AGBL4: variants seen among roughly 807,000 people sequenced by gnomAD.
The protein encoded by AGBL4 is cytosolic carboxypeptidase 6.
Under a neutral mutation model 66.4 loss-of-function variants are expected in AGBL4, and 58 were observed. That is an observed-to-expected ratio of 0.87 (90% confidence interval 0.71 to 1.09). The LOEUF (loss-of-function observed/expected upper bound fraction) is 1.09, where lower values mean the gene tolerates loss of function less well. Ranked by LOEUF, AGBL4 falls within the 50% of genes least tolerant of loss-of-function variation. AGBL4 has a pLI of 0.00. For missense variants in AGBL4, 579 were observed against 631.0 expected (o/e 0.92, Z 0.88); for synonymous variants, 234 against 222.9 (o/e 1.05, Z -0.44).
intron 3 of AGBL4, among the ~76,000 whole-genome samples, chr1:49,642,507 A>G (rs189685524): frequency 8.3e-4 from 127 of 152,134 alleles, no homozygotes; most frequent in African/African-American, 3.0e-3. Context: ...AAAGAACTAC[A>G]GAAAAAGAAC....
chr1:48,537,299 G>C (rs1643988988), intron 12 of AGBL4, among the ~76,000 whole-genome samples: 1 of 152,106 alleles, frequency 6.6e-6, no homozygotes, highest in Non-Finnish European at 1.5e-5. Flanking sequence ...TTAATTTAAA[G>C]GTGGGTGCAT....
At chr1:49,695,820 A>T (rs536937323) in intron 3 of AGBL4, among the ~76,000 whole-genome samples, 103 of 152,190 alleles carry the variant, frequency 6.8e-4, no homozygotes, top group African/African-American at 2.4e-3. Flanking sequence ...TCTTGTGTCC[A>T]TGGTGTTGTA....
rs1186915086 is a variant in AGBL4 at position 49,530,278 on chromosome 1, A to AAAAAAAC, written c.282+167034_282+167035insGTTTTTT. On this transcript the variant is annotated intron_variant, in intron 3 of 13. Transcript: ENST00000371839. ...AATTTGTAAAAAAAAAAAAACAAAA[A>AAAAAAAC]AAAACTCTATGAGTTTTTTTTTATT... Among the ~76,000 whole-genome samples the AAAAAAAC allele has an allele frequency of 5.5e-5, 8 of 145,182 alleles. 1 individual carries two copies. Among genetic ancestry groups the AAAAAAAC allele is most frequent in the East Asian group, 3.9e-4 (2 of 5,154 alleles).
intron 4 of AGBL4, among the ~76,000 whole-genome samples, chr1:49,133,737 G>GA (rs1217655963): frequency 6.6e-6 from 1 of 151,390 alleles, no homozygotes; most frequent in African/African-American, 2.4e-5. Flanking sequence ...TTTATCCTCA[G>GA]GAAACAATTA....
intron 6 of AGBL4, among the ~76,000 whole-genome samples, chr1:48,856,791 T>A (rs1157860686): frequency 1.3e-5 from 2 of 152,206 alleles, no homozygotes; most frequent in Non-Finnish European, 2.9e-5. Context: ...GAAGTTTCTA[T>A]CATATTTTAG....
intron 1 of AGBL4, among the ~76,000 whole-genome samples, chr1:49,949,002 A>G (rs1655820217): frequency 1.3e-5 from 2 of 151,904 alleles, no homozygotes; most frequent in South Asian, 2.1e-4. Flanking sequence ...AAATAGGCAC[A>G]TAGACCAATG....
chr1:48,738,608 C>T (rs1283063397), intron 6 of AGBL4, among the ~76,000 whole-genome samples: 1 of 152,204 alleles, frequency 6.6e-6, no homozygotes, highest in Admixed American at 6.5e-5. Flanking sequence ...AGGAGAAAAA[C>T]AAGGAACTTT....
intron 5 of AGBL4, among the ~76,000 whole-genome samples, chr1:48,899,077 C>T (rs1345501673): frequency 2.0e-5 from 3 of 152,316 alleles, no homozygotes; most frequent in African/African-American, 4.8e-5. Context: ...CTGAGGCGCT[C>T]GGCTCAGCCT....
chr1:49,702,350 G>A (rs1008979560), intron 2 of AGBL4, among the ~76,000 whole-genome samples: 6 of 151,996 alleles, frequency 3.9e-5, no homozygotes, highest in African/African-American at 1.2e-4. Context: ...AATTAGCTGG[G>A]CATAGTGGTG....
chr1:48,885,133 T>C (rs971206774), intron 5 of AGBL4, among the ~76,000 whole-genome samples: 10 of 152,298 alleles, frequency 6.6e-5, no homozygotes, highest in Non-Finnish European at 1.2e-4. Flanking sequence ...TCTGGTCTGT[T>C]TCCTGTTTTG....
At chr1:49,536,948 AGTG>A (rs1651637471) in intron 3 of AGBL4, among the ~76,000 whole-genome samples, 1 of 152,048 alleles carries the variant, frequency 6.6e-6, no homozygotes, top group Admixed American at 6.6e-5. Context: ...TGGAAGTTGC[AGTG>A]AGCCAAGATC....
chr1:49,475,916 C>T (rs868344038), intron 3 of AGBL4, among the ~76,000 whole-genome samples: 91 of 151,954 alleles, frequency 6.0e-4, no homozygotes, highest in African/African-American at 2.0e-3. Flanking sequence ...TTTTGGGAGT[C>T]TCAGTTTCAT....
At chr1:49,178,313 T>C (rs1202999072) in intron 4 of AGBL4, among the ~76,000 whole-genome samples, 24 of 152,230 alleles carry the variant, frequency 1.6e-4, no homozygotes, top group Non-Finnish European at 1.5e-5. Flanking sequence ...TACATGTTAC[T>C]TAAATTTGGT....
At chr1:49,565,006 A>G (rs900683685) in intron 3 of AGBL4, among the ~76,000 whole-genome samples, 4 of 152,168 alleles carry the variant, frequency 2.6e-5, no homozygotes, top group African/African-American at 9.7e-5. Flanking sequence ...TTGGGTGCAT[A>G]TATATTTAGG....
chr1:48,906,204 T>A (rs1448509718), intron 5 of AGBL4, among the ~76,000 whole-genome samples: 1 of 152,142 alleles, frequency 6.6e-6, no homozygotes, highest in Non-Finnish European at 1.5e-5. Context: ...AGAGGTATGT[T>A]AATATTAAAC....
intron 1 of AGBL4, among the ~76,000 whole-genome samples, chr1:49,877,028 A>G (rs1294523420): frequency 6.6e-6 from 1 of 151,824 alleles, no homozygotes; most frequent in African/African-American, 2.4e-5. Flanking sequence ...GACTTTGCTG[A>G]AGTTGATTAT....
chr1:48,862,987 G>T (rs570195531), intron 6 of AGBL4, among the ~76,000 whole-genome samples: 1 of 152,208 alleles, frequency 6.6e-6, no homozygotes, highest in East Asian at 1.9e-4. Context: ...AGGTAATATA[G>T]GAAAGGCTTG....
rs1645670404 is a variant in AGBL4 at position 48,636,497 on chromosome 1, T to A, written c.840-1893A>T. Among the ~76,000 whole-genome samples the A allele has an allele frequency of 2.0e-5, 3 of 152,334 alleles. No individual in the cohort carries two copies. The South Asian group carries it at 6.2e-4, about 32-fold the overall frequency. On this transcript the variant is annotated intron_variant, in intron 8 of 13. Coordinates refer to ENST00000371839, the MANE Select transcript of AGBL4 (RefSeq NM_032785.4). The stretch of plus-strand genomic sequence containing the variant: ...TCTCTAAGGTCACTGAGCTACTATG[T>A]AATGGAGTTAGAATTTGAGCTCAGG...
At chr1:49,100,956 G>A (rs973899714) in intron 4 of AGBL4, among the ~76,000 whole-genome samples, 2 of 152,100 alleles carry the variant, frequency 1.3e-5, no homozygotes, top group Non-Finnish European at 2.9e-5. Context: ...ATCAGTAAAT[G>A]GTAGGGCGGA....
Sources: gnomAD v4.1 joint callset for allele counts (sites outside exome capture counted in the v4.1 genomes callset) on GRCh38, gnomAD v4.1.1 for gene constraint, MANE v1.5 for transcripts, NCBI Gene and HGNC (gene_info 2026-07-23, HGNC 2026-07-21) for gene names.